Variants in TASP1 observed in about 807,000 individuals in gnomAD.
TASP1 encodes threonine aspartase 1.
Under a neutral mutation model 56.6 loss-of-function variants are expected in TASP1, and 16 were observed. The observed-to-expected ratio is 0.28, with a 90% confidence interval of 0.19 to 0.43. The LOEUF (loss-of-function observed/expected upper bound fraction) is 0.43. Among genes scored for constraint, TASP1 ranks in the 20% least tolerant of loss-of-function variants. The pLI is 1.00. For synonymous variants in TASP1, 179 were observed against 184.2 expected (o/e 0.97, Z 0.23); for missense variants, 393 against 511.6 (o/e 0.77, Z 2.24).
At chr20:13,465,189 AAAAAAAAAAAGGAAAG>A (rs1273634876) in intron 11 of TASP1, among the ~76,000 whole-genome samples, 7 of 140,168 alleles carry the variant, frequency 5.0e-5, no homozygotes, top group Non-Finnish European at 7.8e-5. Flanking sequence ...AAAAAAAAAA[AAAAAAAAAAAGGAAAG>A]GAAAAAAAAA....
chr20:13,196,344 T>C, the TASP1 span, among the ~76,000 whole-genome samples: 3 of 152,208 alleles, frequency 2.0e-5, no homozygotes, highest in Admixed American at 2.0e-4. Flanking sequence ...TGCATACAAA[T>C]ATTAAAAAGT....
chr20:13,262,792 T>G, the TASP1 span, among the ~76,000 whole-genome samples: 1 of 152,132 alleles, frequency 6.6e-6, no homozygotes, highest in Non-Finnish European at 1.5e-5. Flanking sequence ...CAGGGATGGG[T>G]GGCCCCTCCA....
chr20:13,567,803 G>A (rs1468810109), intron 7 of TASP1, among the ~76,000 whole-genome samples: 1 of 152,178 alleles, frequency 6.6e-6, no homozygotes, highest in Admixed American at 6.5e-5. Context: ...TGAGATCCAG[G>A]AAACAGAGAA....
rs189855752 is a variant in TASP1, at chr20:13,571,844, A to C, written c.489-2258T>G. On this transcript the variant is annotated intron_variant, in intron 6 of 13. Transcript: ENST00000337743. ...TTGTGTACTCTACTCATTGTCGTGTAAAGCCACAAACATACCAAGGAGGCT... is the reference window on the plus strand; with the variant it reads ...TTGTGTACTCTACTCATTGTCGTGTCAAGCCACAAACATACCAAGGAGGCT... 4.0e-3 allele frequency among the ~76,000 whole-genome samples: 606 copies of C among 152,252 alleles called. 4 individuals carry two copies. The highest frequency in any genetic ancestry group is 0.01 in the Middle Eastern group (3 of 294).
At chr20:13,524,417 C>T (rs746439266) in intron 10 of TASP1, among the ~76,000 whole-genome samples, 32 of 152,042 alleles carry the variant, frequency 2.1e-4, no homozygotes, top group Non-Finnish European at 4.4e-4. Flanking sequence ...AAAGAAAGTC[C>T]ATGGTGAATA....
At chr20:13,167,784 T>A in the TASP1 span, 4 of 152,214 alleles carry the variant, frequency 2.6e-5, no homozygotes, top group African/African-American at 7.2e-5. Flanking sequence ...ACACCAGACC[T>A]TTACTGAAAC....
chr20:13,273,604 C>T, the TASP1 span, among the ~76,000 whole-genome samples: 1 of 152,186 alleles, frequency 6.6e-6, no homozygotes, highest in Non-Finnish European at 1.5e-5. Context: ...GCAGTTGGGA[C>T]TCCCAGAGCT....
intron 11 of TASP1, among the ~76,000 whole-genome samples, chr20:13,452,921 A>G (rs940096256): frequency 2.6e-5 from 4 of 152,108 alleles, no homozygotes; most frequent in African/African-American, 9.7e-5. Flanking sequence ...CCACTACATG[A>G]TCTGGACCTA....
At chr20:13,511,973 T>C (rs1320054548) in intron 10 of TASP1, among the ~76,000 whole-genome samples, 1 of 152,106 alleles carries the variant, frequency 6.6e-6, no homozygotes, top group East Asian at 1.9e-4. Flanking sequence ...CCATGGTGTA[T>C]ATGTGCCACA....
intron 6 of TASP1, among the ~76,000 whole-genome samples, chr20:13,579,798 T>C (rs1000436325): frequency 1.3e-5 from 2 of 152,214 alleles, no homozygotes; most frequent in Admixed American, 1.3e-4. Context: ...ATTTTTTTCA[T>C]AATTGACTCT....
chr20:13,283,032 G>A, the TASP1 span, among the ~76,000 whole-genome samples: 2 of 152,022 alleles, frequency 1.3e-5, no homozygotes, highest in Non-Finnish European at 1.5e-5. Context: ...TTTTCTTTCT[G>A]TTTTTTTATT....
At chr20:13,393,333 AT>A (rs2041365626) in intron 13 of TASP1, 1 of 758,146 alleles carries the variant, frequency 1.3e-6, no homozygotes, top group Admixed American at 1.8e-5. Flanking sequence ...GGGCAAGGTC[AT>A]CCCCGAGCTG....
chr20:13,207,714 C>A, the TASP1 span, among the ~76,000 whole-genome samples: 1 of 152,178 alleles, frequency 6.6e-6, no homozygotes, highest in African/African-American at 2.4e-5. Flanking sequence ...TGCCTACCTA[C>A]ATTGGGGAAG....
chr20:13,435,034 T>A lies in TASP1; in HGVS notation c.1096+10A>T, dbSNP rs1049164511. On this transcript the variant is annotated intron_variant, in intron 12 of 13. Coordinates refer to ENST00000337743, the MANE Select transcript of TASP1 (RefSeq NM_017714.3). The stretch of plus-strand genomic sequence containing the variant: ...TAGAAAGACACACACAATGTATATG[T>A]CTCACTTACCTAGAAGTGTCTGCTT... 3 of 1,586,000 alleles carry A rather than the reference T, an allele frequency of 1.9e-6. No homozygotes were observed. Among genetic ancestry groups the A allele is most frequent in the Non-Finnish European group, 2.6e-6 (3 of 1,160,042 alleles).
At chr20:13,130,440 GA>G in the TASP1 span, among the ~76,000 whole-genome samples, 1 of 152,222 alleles carries the variant, frequency 6.6e-6, no homozygotes, top group South Asian at 2.1e-4. Context: ...GTTCCTTGAT[GA>G]ATGTCTTCAC....
At chr20:13,558,878 G>A (rs929936243) in intron 8 of TASP1, 130 bp downstream of exon 8, 1 of 456,790 alleles carries the variant, frequency 2.2e-6, no homozygotes, top group African/African-American at 2.0e-5. Context: ...TGTAGCTACT[G>A]AAAAACTTTA....
the TASP1 span, among the ~76,000 whole-genome samples, chr20:13,106,323 A>G: frequency 6.6e-5 from 10 of 152,208 alleles, no homozygotes; most frequent in African/African-American, 2.4e-4. Context: ...AAGGATGAGG[A>G]CGAGGTCCCT....
At chr20:13,153,951 A>C in the TASP1 span, 4 of 1,602,004 alleles carry the variant, frequency 2.5e-6, no homozygotes, top group African/African-American at 1.3e-5. Context: ...CCGGACCTTT[A>C]CTTCCCTCTT....
the TASP1 span, among the ~76,000 whole-genome samples, chr20:13,260,292 G>A: frequency 6.6e-6 from 1 of 152,194 alleles, no homozygotes; most frequent in Non-Finnish European, 1.5e-5. Context: ...GTAGCACACA[G>A]AGCTGTACAG....
Sources: gnomAD v4.1 joint callset for allele counts (sites outside exome capture counted in the v4.1 genomes callset) on GRCh38, gnomAD v4.1.1 for gene constraint, MANE v1.5 for transcripts, NCBI Gene and HGNC (gene_info 2026-07-23, HGNC 2026-07-21) for gene names.